The following ANKMY1 variants were observed in gnomAD, a reference collection of about 807,000 sequenced individuals.
ANKMY1 encodes the protein ankyrin repeat and MYND domain containing 1.
Under a neutral mutation model 102.0 loss-of-function variants are expected in ANKMY1, and 98 were observed. That is an observed-to-expected ratio of 0.96 (90% confidence interval 0.82 to 1.14). The LOEUF is 1.14. Ranked by LOEUF, ANKMY1 falls within the 50% of genes most tolerant of loss-of-function variation. The pLI is 0.00. For synonymous variants in ANKMY1, 582 were observed against 559.9 expected (o/e 1.04, Z -0.56); for missense variants, 1,330 against 1,347.6 (o/e 0.99, Z 0.20).
At position 240,480,947 on chromosome 2, in the gene ANKMY1, C is replaced by T; in HGVS notation, c.3036G>A (p.Leu1012=). Residue 1012 remains leucine (L), a synonymous_variant, in exon 17 of 18, where the codon CTG becomes CTA. Transcript: ENST00000401804. ...TEFHKKDCGD[L]VAIVTQLEQV... ...TGAGGGCCGACCTACCGATGGCCAC[C>T]AGGTCCCCGCAGTCCTTCTTGTGGA... 1.2e-6 allele frequency: 2 copies of T among 1,607,846 alleles called. No homozygotes were observed. Among genetic ancestry groups the T allele is most frequent in the Non-Finnish European group, 1.7e-6 (2 of 1,174,908 alleles).
intron 6 of ANKMY1, 136 bp downstream of exon 6, chr2:240,526,093 G>A (rs773663784): frequency 8.7e-7 from 1 of 1,145,232 alleles, no homozygotes; most frequent in African/African-American, 1.5e-5. Context: ...TGAACGGCGA[G>A]GTGGAGGTGT....
chr2:240,558,043 C>G (rs1443777296), upstream of ANKMY1: 1 of 935,238 alleles, frequency 1.1e-6, no homozygotes, highest in Admixed American at 6.2e-5. Context: ...CTGCCACTCT[C>G]CGGCTCCGCC....
chr2:240,520,653 A>G lies in ANKMY1; in HGVS notation c.1833-120T>C, dbSNP rs2082043250. ...GCGTAGGGAGTATGTGTGTGCCGCA[A>G]CTACACAATCACACACACAGCACAC... On this transcript the variant is annotated intron_variant, in intron 8 of 17. Coordinates refer to ENST00000401804, the MANE Select transcript of ANKMY1 (RefSeq NM_001282771.3). This position sits in a 1 kb window ranked among gnomAD's most constrained non-coding sequence, Gnocchi z 4.8. 2 of 1,247,650 alleles carry G rather than the reference A, an allele frequency of 1.6e-6. No homozygotes were observed. The highest frequency in any genetic ancestry group is 1.5e-5 in the South Asian group (1 of 65,604). 77.3% of individuals were successfully genotyped at this position (1,247,650 alleles called of 1,614,324 possible).
At chr2:240,538,322 G>T (rs7562186) in intron 4 of ANKMY1, among the ~76,000 whole-genome samples, 4 of 151,838 alleles carry the variant, frequency 2.6e-5, no homozygotes, top group Non-Finnish European at 4.4e-5. Flanking sequence ...GCGGCGCTCA[G>T]GGGCCAGCGC....
intron 16 of ANKMY1, among the ~76,000 whole-genome samples, chr2:240,481,594 G>A (rs11693855): frequency 0.25 from 37,740 of 152,102 alleles, 5,683 homozygotes; most frequent in East Asian, 0.67. Context: ...CCATCACCTC[G>A]ATGGGTTGCT....
In ANKMY1 at chr2:240,553,058, CTG is replaced by C; in HGVS notation, c.337-3_337-2del. The C allele has an allele frequency of 6.2e-7, 1 of 1,611,478 alleles. No homozygotes were observed. Among genetic ancestry groups the C allele is most frequent in the Non-Finnish European group, 8.5e-7 (1 of 1,177,950 alleles). ...CCCGGTAAAACTGCCCATGGTATGA[CTG>C]TGAGATGGAGAAGTTGGTGAGAAAT... On this transcript the variant is annotated splice_acceptor_variant and splice_polypyrimidine_tract_variant and intron_variant, in intron 3 of 17. Transcript: ENST00000401804. LOFTEE classifies it high-confidence loss of function.
chr2:240,485,514 T>C (rs1364920640), intron 15 of ANKMY1, among the ~76,000 whole-genome samples: 1 of 152,168 alleles, frequency 6.6e-6, no homozygotes, highest in East Asian at 1.9e-4. Flanking sequence ...TCTTAACTTA[T>C]CCAATAATTT....
chr2:240,503,374 G>A (rs1308417608), intron 13 of ANKMY1, among the ~76,000 whole-genome samples: 1 of 152,196 alleles, frequency 6.6e-6, no homozygotes, highest in Non-Finnish European at 1.5e-5. Context: ...GCTGATGAAA[G>A]CTCCTTTCTG....
chr2:240,550,797 A>T (rs1486737958), intron 4 of ANKMY1, among the ~76,000 whole-genome samples: 1 of 152,126 alleles, frequency 6.6e-6, no homozygotes, highest in Non-Finnish European at 1.5e-5. Context: ...AATGATTATT[A>T]TGTTAAATTG....
At chr2:240,490,475 G>A (rs551985449) in intron 15 of ANKMY1, among the ~76,000 whole-genome samples, 5 of 151,868 alleles carry the variant, frequency 3.3e-5, no homozygotes, top group South Asian at 4.2e-4. Context: ...TTTTATCTTC[G>A]TTTGTTTCAA....
At chr2:240,524,521 C>T in intron 7 of ANKMY1, 140 bp from the exon 8 acceptor site, 1 of 951,224 alleles carries the variant, frequency 1.1e-6, no homozygotes, top group Non-Finnish European at 1.5e-6. Flanking sequence ...GGGCAGCTTT[C>T]CCCAAACCCT....
rs1174353704 is a variant in ANKMY1 at position 240,506,899 on chromosome 2, G to A, written c.2526+661C>T. Among the ~76,000 whole-genome samples, 1 of 152,086 alleles carries A rather than the reference G, an allele frequency of 6.6e-6. No individual in the cohort carries two copies. Among genetic ancestry groups the A allele is most frequent in the Non-Finnish European group, 1.5e-5 (1 of 68,020 alleles). ...GTGCCTAGGGCTCAGGACAGAAGGTGTCTCCAGCGCGGGCAGGATTTCCCG... is the reference window on the plus strand; with the variant it reads ...GTGCCTAGGGCTCAGGACAGAAGGTATCTCCAGCGCGGGCAGGATTTCCCG... On this transcript the variant is annotated intron_variant, in intron 13 of 17. Coordinates refer to ENST00000401804, the MANE Select transcript of ANKMY1 (RefSeq NM_001282771.3). The surrounding 1 kb of genome is among the most constrained non-coding windows in gnomAD (Gnocchi z 4.9).
chr2:240,555,292 T>C, intron 2 of ANKMY1: 1 of 552,912 alleles, frequency 1.8e-6, no homozygotes, highest in Non-Finnish European at 3.2e-6. Context: ...ATAGGAGAGA[T>C]GCTGCCAGGC....
intron 15 of ANKMY1, among the ~76,000 whole-genome samples, chr2:240,490,147 T>C (rs2076479843): frequency 6.6e-6 from 1 of 151,982 alleles, no homozygotes; most frequent in South Asian, 2.1e-4. Context: ...AAATAAGATA[T>C]GGAAGGAGAA....
the ANKMY1 span, among the ~76,000 whole-genome samples, chr2:240,472,929 A>C: frequency 8.5e-5 from 13 of 152,302 alleles, no homozygotes; most frequent in African/African-American, 3.1e-4. Context: ...GTTCGAGACC[A>C]GCCTGGCCAA....
the ANKMY1 span, among the ~76,000 whole-genome samples, chr2:240,469,563 G>T: frequency 6.6e-6 from 1 of 152,200 alleles, no homozygotes; most frequent in Non-Finnish European, 1.5e-5. Flanking sequence ...TGGCCCCAGC[G>T]TCTCCCACAC....
intron 3 of ANKMY1, chr2:240,554,163 C>T (rs775791781): frequency 6.6e-6 from 1 of 152,318 alleles, no homozygotes; most frequent in Non-Finnish European, 1.5e-5. Context: ...GTGCCTGGGC[C>T]AGGCCTGGCC....
chr2:240,547,489 A>C (rs2124954623), intron 4 of ANKMY1, among the ~76,000 whole-genome samples: 1 of 146,240 alleles, frequency 6.8e-6, no homozygotes, highest in African/African-American at 2.5e-5. Context: ...AAAAGCTAGC[A>C]GAAGGCAAGA....
intron 9 of ANKMY1, among the ~76,000 whole-genome samples, chr2:240,515,622 C>T (rs1424937191): frequency 2.0e-5 from 3 of 152,124 alleles, no homozygotes; most frequent in Admixed American, 6.5e-5. Flanking sequence ...AAAATAGACT[C>T]GTTTACAAGG....
Sources: allele counts gnomAD v4.1 joint callset (sites outside exome capture counted in the v4.1 genomes callset), GRCh38; gene constraint gnomAD v4.1.1; non-coding constraint Gnocchi (gnomAD v3.1); transcripts MANE v1.5; gene names NCBI Gene and HGNC (gene_info 2026-07-23, HGNC 2026-07-21).